The following PATZ1 variants were observed in gnomAD, a reference collection of about 807,000 sequenced individuals.
PATZ1 encodes the protein POZ-, AT hook-, and zinc finger-containing protein 1.
In PATZ1, 9 loss-of-function variants were observed where a neutral mutation model predicts 46.2. That is an observed-to-expected ratio of 0.19 (90% confidence interval 0.12 to 0.34). PATZ1 has a LOEUF of 0.34. PATZ1 is among the 10% of genes least tolerant of loss of function. The probability of loss-of-function intolerance (pLI) is 1.00; values close to 1 mark genes in which losing one functional copy is unlikely to be tolerated. For missense variants in PATZ1, 632 were observed against 923.0 expected, an observed-to-expected ratio of 0.68 and a Z score of 4.08; for synonymous variants, 426 against 378.6, an observed-to-expected ratio of 1.13 and a Z score of -1.45.
At position 31,344,378 on chromosome 22, in the gene PATZ1, C is replaced by T. The variant is rs1184563521; in HGVS notation, c.1225G>A (p.Val409Met). The T allele has an allele frequency of 1.2e-6, 2 of 1,613,652 alleles. No individual in the cohort carries two copies. ...SYHVRSHDGS[V>M]GKPYICQSCG... is the part of the protein sequence containing the mutation. ...CTCTGGCAGATGTAAGGCTTGCCCA[C>T]GGACCCATCATGGGACCGCACATGG... Residue 409 changes from valine (V) to methionine (M), a missense_variant, in exon 1 of 5, where the codon GTG becomes ATG. Physicochemically the swap from Val to Met is conservative, Grantham distance 21 (BLOSUM62 1). This residue lies in a region of PATZ1 where 55 missense variants were observed against 169.0 expected (regional missense o/e 0.33). Coordinates refer to ENST00000266269, the MANE Select transcript of PATZ1 (RefSeq NM_014323.3).
chr22:31,328,809 G>C lies in PATZ1; in HGVS notation c.1623C>G (p.Cys541Trp). ...TGCCTTTGTTGCCATAGGTCCTGGC[G>C]CAGTGGAACGCTGCTCCCCCATTCA... ...PILNGGAAFH[C>W]ARTYGNKEGQ... Residue 541 changes from cysteine to tryptophan, a missense_variant, in exon 4 of 5, where the codon TGC (cysteine) becomes TGG (tryptophan). Around this residue, in one of 7 missense-constraint regions of PATZ1, gnomAD observed 176 missense variants for 249.4 expected, o/e 0.71. Transcript: ENST00000266269. This position sits in a 1 kb window ranked among gnomAD's most constrained non-coding sequence, Gnocchi z 4.8. 1.2e-6 allele frequency: 2 copies of C among 1,613,320 alleles called. No individual in the cohort carries two copies. The highest frequency in any genetic ancestry group is 1.7e-6 in the Non-Finnish European group (2 of 1,179,688).
intron 2 of PATZ1, among the ~76,000 whole-genome samples, chr22:31,339,581 C>G (rs542728971): frequency 6.6e-6 from 1 of 152,326 alleles, no homozygotes; most frequent in Admixed American, 6.5e-5. Context: ...AGGGAGAAGA[C>G]AGAGGGACGC....
chr22:31,331,301 T>C (rs771751786), intron 3 of PATZ1, among the ~76,000 whole-genome samples: 1 of 152,026 alleles, frequency 6.6e-6, no homozygotes, highest in Non-Finnish European at 1.5e-5. Flanking sequence ...ATATTAGAAC[T>C]TTCTGATAAT....
At position 31,345,914 on chromosome 22, in the gene PATZ1, GC is replaced by G. The variant is rs1338069323; in HGVS notation, c.-313del. The G allele has an allele frequency of 3.1e-6, 1 of 322,062 alleles. No individual in the cohort carries two copies. Among genetic ancestry groups the G allele is most frequent in the Non-Finnish European group, 5.7e-6 (1 of 176,950 alleles). The allele number at this position is 322,062 out of a possible 1,614,324, so 20.0% of individuals were successfully genotyped here. On this transcript the variant is annotated 5_prime_UTR_variant, in exon 1 of 5. Coordinates refer to ENST00000266269, the MANE Select transcript of PATZ1 (RefSeq NM_014323.3). This position sits in a 1 kb window ranked among gnomAD's most constrained non-coding sequence, Gnocchi z 7.4. ...GGGGGGTGCGCGAGCGAAGAGGTGC[GC>G]CCCTCCTGCAAACGCGCCTGCCACC...
chr22:31,326,754 T>C lies in PATZ1; in HGVS notation c.*137A>G, dbSNP rs931736793. ...GGGAGAATGGGTGGTGGAGAAGGAG[T>C]TGGAGTGGGGTTGGGGGGCAGTTAA... is the stretch of plus-strand genomic sequence containing the variant. On this transcript the variant is annotated 3_prime_UTR_variant, in exon 5 of 5. Coordinates refer to ENST00000266269, the MANE Select transcript of PATZ1 (RefSeq NM_014323.3). 52 of 666,562 alleles carry C rather than the reference T, an allele frequency of 7.8e-5. No homozygotes were observed. The highest frequency in any genetic ancestry group is 1.1e-4 in the Non-Finnish European group (43 of 394,820). 41.3% of individuals were successfully genotyped at this position (666,562 alleles called of 1,614,324 possible).
chr22:31,343,821 C>T (rs543981053), intron 1 of PATZ1, among the ~76,000 whole-genome samples: 16 of 152,320 alleles, frequency 1.1e-4, no homozygotes, highest in South Asian at 1.0e-3. Context: ...CTCTGTGTCC[C>T]ATGATCCCAG....
rs2049374543 is a variant in PATZ1 at position 31,326,831 on chromosome 22, A to G, written c.*60T>C. 1 of 1,457,506 alleles carries G rather than the reference A, an allele frequency of 6.9e-7. No homozygotes were observed. The highest frequency in any genetic ancestry group is 1.4e-5 in the African/African-American group (1 of 70,716). 90.3% of individuals were successfully genotyped at this position (1,457,506 alleles called of 1,614,324 possible). On this transcript the variant is annotated 3_prime_UTR_variant, in exon 5 of 5. Transcript: ENST00000266269. ...GAACCCAAACATCACTTCCCTCCGC[A>G]TTCACAGCATTTCCCAGCAGTCCCC... is the stretch of plus-strand genomic sequence containing the variant.
chr22:31,340,549 G>A, intron 2 of PATZ1: 2 of 343,448 alleles, frequency 5.8e-6, no homozygotes, highest in Non-Finnish European at 8.5e-6. Flanking sequence ...TGTAGGGCTG[G>A]AGGAGGGGCC....
intron 2 of PATZ1, chr22:31,341,293 C>A (rs995232929): frequency 6.9e-7 from 1 of 1,451,142 alleles, no homozygotes; most frequent in East Asian, 2.4e-5. Flanking sequence ...CAGGGAGGAG[C>A]TGGGCATGCT....
chr22:31,339,605 G>A (rs947171067), intron 2 of PATZ1, among the ~76,000 whole-genome samples: 2 of 152,226 alleles, frequency 1.3e-5, no homozygotes, highest in African/African-American at 2.4e-5. Context: ...TGGGAAGAGA[G>A]TGAGCCAGAG....
intron 2 of PATZ1, chr22:31,341,641 G>A (rs1291160770): frequency 1.2e-6 from 2 of 1,613,942 alleles, no homozygotes; most frequent in South Asian, 2.2e-5. Flanking sequence ...TCGCTAGGAA[G>A]AGGTTCCAGG....
chr22:31,327,179 G>A lies in PATZ1; in HGVS notation c.1776C>T (p.Val592=). The A allele has an allele frequency of 6.2e-7, 1 of 1,614,192 alleles. No individual in the cohort carries two copies. Among genetic ancestry groups the A allele is most frequent in the East Asian group, 2.2e-5 (1 of 44,876 alleles). Residue 592 remains valine (V), a synonymous_variant, in exon 5 of 5, where the codon GTC becomes GTT. Coordinates refer to ENST00000266269, the MANE Select transcript of PATZ1 (RefSeq NM_014323.3). The surrounding 1 kb of genome is among the most constrained non-coding windows in gnomAD (Gnocchi z 4.2). ...ANGSFSCDMA[V]PKNKMESDGE... The stretch of plus-strand genomic sequence containing the variant: ...CATCAGACTCCATTTTGTTTTTGGG[G>A]ACTGCCATGTCGCAGGAGAAAGAGC...
chr22:31,330,238 A>G (rs892984902), intron 3 of PATZ1, among the ~76,000 whole-genome samples: 5 of 152,182 alleles, frequency 3.3e-5, no homozygotes, highest in African/African-American at 1.2e-4. Context: ...GCACTATTCT[A>G]TAGAATTTGC....
Position 31,344,540 on chromosome 22 carries a change from C to T in PATZ1, c.1063G>A (p.Val355Met). Residue 355 changes from valine (V) to methionine (M), a missense_variant, in exon 1 of 5, where the codon GTG (valine) becomes ATG (methionine). Val to Met is a conservative substitution (Grantham distance 21). Around this residue, in one of 7 missense-constraint regions of PATZ1, gnomAD observed 279 missense variants for 284.3 expected, o/e 0.98. Coordinates refer to ENST00000266269, the MANE Select transcript of PATZ1 (RefSeq NM_014323.3). ...ATCTTGCCGCAGATCTCACAAGCCA[C>T]CTGCTTCCTGGTCCGGCTCCTCTTT... ...PRKRSRTRKQ[V>M]ACEICGKIFR... 6.2e-7 allele frequency: 1 copy of T among 1,614,218 alleles called. No homozygotes were observed. The highest frequency in any genetic ancestry group is 8.5e-7 in the Non-Finnish European group (1 of 1,180,026).
intron 3 of PATZ1, 200 bp downstream of exon 3, chr22:31,335,492 A>G: frequency 1.8e-6 from 1 of 556,486 alleles, no homozygotes; most frequent in Non-Finnish European, 3.2e-6. Context: ...GGGACTTCCC[A>G]TTCTAAGCAC....
At chr22:31,343,105 G>A in intron 1 of PATZ1, 145 bp from the exon 2 acceptor site, 4 of 1,438,640 alleles carry the variant, frequency 2.8e-6, no homozygotes, top group Non-Finnish European at 2.8e-6. Flanking sequence ...CAAAGACAAA[G>A]TCACCACCCA....
chr22:31,342,148 T>G (rs562053146), intron 2 of PATZ1, among the ~76,000 whole-genome samples: 1 of 152,062 alleles, frequency 6.6e-6, no homozygotes, highest in Non-Finnish European at 1.5e-5. Context: ...GTGTTCGCTA[T>G]CCACACAGGA....
At position 31,328,188 on chromosome 22, in the gene PATZ1, A is replaced by C. The variant is rs2049391550; in HGVS notation, c.1645+599T>G. Among the ~76,000 whole-genome samples, 1 of 152,202 alleles carries C rather than the reference A, an allele frequency of 6.6e-6. No individual in the cohort carries two copies. Among genetic ancestry groups the C allele is most frequent in the South Asian group, 2.1e-4 (1 of 4,836 alleles). The stretch of plus-strand genomic sequence containing the variant: ...CAACGACAACGTGACATACCACAAA[A>C]CAACCTGAATCAACAAGTGAAGGTG... On this transcript the variant is annotated intron_variant, in intron 4 of 4. Coordinates refer to ENST00000266269, the MANE Select transcript of PATZ1 (RefSeq NM_014323.3). The surrounding 1 kb of genome is among the most constrained non-coding windows in gnomAD (Gnocchi z 4.8).
Position 31,344,404 on chromosome 22 carries a change from T to A in PATZ1, c.1199A>T (p.Tyr400Phe), listed in dbSNP as rs201064434. ...GGACCCATCATGGGACCGCACATGG[T>A]AGGACATGCGGTCTTTTCTCTTGAA... The part of the protein sequence containing the change: ...LRFKRKDRMS[Y>F]HVRSHDGSVG... The change falls in exon 1 of 5, where the codon TAC (tyrosine) becomes TTC (phenylalanine). Residue 400 changes from tyrosine to phenylalanine, a missense_variant. Around this residue, in one of 7 missense-constraint regions of PATZ1, gnomAD observed 55 missense variants for 169.0 expected, o/e 0.33. Transcript: ENST00000266269. 1 of 1,614,132 alleles carries A rather than the reference T, an allele frequency of 6.2e-7. No individual in the cohort carries two copies. The highest frequency in any genetic ancestry group is 1.3e-5 in the African/African-American group (1 of 75,028).
Sources: allele counts gnomAD v4.1 joint callset (sites outside exome capture counted in the v4.1 genomes callset), GRCh38; gene constraint gnomAD v4.1.1; regional missense constraint gnomAD v4.1.1; non-coding constraint Gnocchi (gnomAD v3.1); transcripts MANE v1.5; gene names NCBI Gene and HGNC (gene_info 2026-07-23, HGNC 2026-07-21).